PIEZO1: variants seen among roughly 807,000 people sequenced by gnomAD.
The protein encoded by PIEZO1 is piezo type mechanosensitive ion channel component 1 (Er blood group).
In PIEZO1, 296 loss-of-function variants were observed where a neutral mutation model predicts 297.2. The ratio of observed to expected loss-of-function variants is 1.00; its 90% CI spans 0.91 to 1.10. The LOEUF is 1.10. Among genes scored for constraint, PIEZO1 ranks in the 50% least tolerant of loss-of-function variants. The probability of loss-of-function intolerance (pLI) is 0.00; values close to 1 mark genes in which losing one functional copy is unlikely to be tolerated. For synonymous variants in PIEZO1, 2,427 were observed against 1,507.5 expected, an observed-to-expected ratio of 1.61 and a Z score of -14.13; for missense variants, 5,018 against 3,455.5, an observed-to-expected ratio of 1.45 and a Z score of -11.34.
Position 88,722,054 on chromosome 16 carries a change from G to T in PIEZO1, c.4968C>A (p.Ile1656=), listed in dbSNP as rs532725190. The change falls in exon 37 of 51, where the codon ATC becomes ATA. Residue 1656 remains isoleucine, a synonymous_variant. Coordinates refer to ENST00000301015, the MANE Select transcript of PIEZO1 (RefSeq NM_001142864.4). ...ACAGCTCTGCCTCCTCCAGCTCTGG[G>T]ATGCGCAGGCGCCTACAGGGAGACC... ...SELLLDRRLR[I]PELEEAELFA... 2.4e-5 allele frequency: 37 copies of T among 1,546,528 alleles called. No homozygotes were observed. Among genetic ancestry groups the T allele is most frequent in the Non-Finnish European group, 3.0e-5 (34 of 1,145,830 alleles).
chr16:88,749,123 C>T (rs1473061973), intron 2 of PIEZO1, among the ~76,000 whole-genome samples: 1 of 150,378 alleles, frequency 6.6e-6, no homozygotes, highest in Non-Finnish European at 1.5e-5. Context: ...GCCTGTAGTC[C>T]CAGCTACCCG....
intron 5 of PIEZO1, 199 bp downstream of exon 5, chr16:88,741,279 C>T (rs543946690): frequency 5.6e-6 from 3 of 535,506 alleles, no homozygotes; most frequent in African/African-American, 1.9e-5. Flanking sequence ...AGGCAGAGCC[C>T]GAGTAGAAAC....
At position 88,720,453 on chromosome 16, in the gene PIEZO1, AGAC is replaced by A; in HGVS notation, c.5878_5880del (p.Val1960del). The A allele has an allele frequency of 3.2e-6, 5 of 1,550,510 alleles. No homozygotes were observed. The highest frequency in any genetic ancestry group is 4.4e-6 in the Non-Finnish European group (5 of 1,146,964). On this transcript the variant is annotated inframe_deletion, in exon 41 of 51. Coordinates refer to ENST00000301015, the MANE Select transcript of PIEZO1 (RefSeq NM_001142864.4). ...ACATCAGCCAGGAACATGAGGGCAT[AGAC>A]GTCGGTGGCTGCGCGGTACTTGGTG...
intron 35 of PIEZO1, 86 bp from the exon 36 acceptor site, chr16:88,722,483 G>T: frequency 1.4e-6 from 2 of 1,428,956 alleles, no homozygotes; most frequent in South Asian, 1.4e-5. Context: ...AAGTGCCCAC[G>T]GTCCTTTGGG....
chr16:88,768,625 C>G (rs1907285144), intron 1 of PIEZO1, among the ~76,000 whole-genome samples: 1 of 152,216 alleles, frequency 6.6e-6, no homozygotes, highest in Admixed American at 6.5e-5. Flanking sequence ...GGGGCAGGAG[C>G]TCGTCCACAG....
At chr16:88,724,457 G>A (rs751708519) in intron 30 of PIEZO1, among the ~76,000 whole-genome samples, 2 of 152,032 alleles carry the variant, frequency 1.3e-5, no homozygotes, top group Non-Finnish European at 1.5e-5. Context: ...TTTGAACCTG[G>A]GAGGTGGGGG....
intron 16 of PIEZO1, 58 bp from the exon 17 acceptor site, chr16:88,734,112 G>A: frequency 6.8e-7 from 1 of 1,465,600 alleles, no homozygotes; most frequent in Non-Finnish European, 9.1e-7. Flanking sequence ...TCATTTCCTG[G>A]GGCTGGAAGA....
At chr16:88,751,748 G>A (rs1906401874) in intron 1 of PIEZO1, among the ~76,000 whole-genome samples, 1 of 152,046 alleles carries the variant, frequency 6.6e-6, no homozygotes, top group Non-Finnish European at 1.5e-5. Context: ...GGCTTCTGAA[G>A]TTCTGAAGTT....
At chr16:88,745,060 C>A (rs1905956835) in intron 2 of PIEZO1, 1 of 150,930 alleles carries the variant, frequency 6.6e-6, no homozygotes, top group Non-Finnish European at 1.5e-5. Context: ...GCCCCTGTCC[C>A]CGCCCACCCC....
Position 88,722,258 on chromosome 16 carries a change from G to A in PIEZO1, c.4915C>T (p.Gln1639Ter). 6.5e-7 allele frequency: 1 copy of A among 1,548,328 alleles called. No homozygotes were observed. The highest frequency in any genetic ancestry group is 8.7e-7 in the Non-Finnish European group (1 of 1,146,814). The change falls in exon 36 of 51, where the codon CAG becomes TAG. Residue 1639 changes from glutamine (Q) to a stop codon, truncating the protein, a stop_gained. Coordinates refer to ENST00000301015, the MANE Select transcript of PIEZO1 (RefSeq NM_001142864.4). LOFTEE classifies it high-confidence loss of function. ...GEREAGASLYQGLMRTASELL... is the reference protein window; with the variant it reads ...GEREAGASLY Reference sequence around the variant, plus strand: ...TCGCTGGCCGTCCGCATCAGTCCCTGGTACAGAGAGGCACCAGCCTCACGC... The same window carrying A: ...TCGCTGGCCGTCCGCATCAGTCCCTAGTACAGAGAGGCACCAGCCTCACGC...
At chr16:88,723,369 C>A in intron 31 of PIEZO1, 41 bp from the exon 32 acceptor site, 1 of 1,534,174 alleles carries the variant, frequency 6.5e-7, no homozygotes, top group South Asian at 1.2e-5. Context: ...CCTCCCGAGC[C>A]ATCAGACCCA....
intron 1 of PIEZO1, among the ~76,000 whole-genome samples, chr16:88,777,111 TAC>T (rs1907701064): frequency 6.6e-6 from 1 of 152,250 alleles, no homozygotes; most frequent in Admixed American, 6.5e-5. Flanking sequence ...TAGCTAGGAT[TAC>T]AGATGCCTGT....
intron 22 of PIEZO1, among the ~76,000 whole-genome samples, chr16:88,730,301 A>C (rs1008330703): frequency 1.2e-4 from 18 of 152,186 alleles, no homozygotes; most frequent in Non-Finnish European, 2.4e-4. Flanking sequence ...GGAGCAGAAA[A>C]CAAGACGGGG....
At chr16:88,722,141 C>T in intron 36 of PIEZO1, 75 bp from the exon 37 acceptor site, 1 of 1,520,914 alleles carries the variant, frequency 6.6e-7, no homozygotes, top group Non-Finnish European at 8.8e-7. Flanking sequence ...TTGCCGGTCA[C>T]AGTCAGTCTC....
Position 88,751,453 on chromosome 16 carries a change from C to T in PIEZO1, c.65-1974G>A, listed in dbSNP as rs183776754. On this transcript the variant is annotated intron_variant, in intron 1 of 50. Coordinates refer to ENST00000301015, the MANE Select transcript of PIEZO1 (RefSeq NM_001142864.4). ...GCAGACACGAAAGAATCGCGCTCGG[C>T]GCTGCTACGGGCTCAAGGCGGCCTC... Among the ~76,000 whole-genome samples the T allele has an allele frequency of 3.3e-4, 51 of 152,338 alleles. No individual in the cohort carries two copies. In the East Asian group the frequency reaches 7.9e-3, roughly 24 times the overall value.
chr16:88,737,893 G>C, intron 8 of PIEZO1, 41 bp downstream of exon 8: 1 of 1,531,688 alleles, frequency 6.5e-7, no homozygotes, highest in Non-Finnish European at 8.7e-7. Context: ...CAGCCCCATG[G>C]CCTGGCCTCA....
intron 1 of PIEZO1, among the ~76,000 whole-genome samples, chr16:88,763,226 G>A (rs1047278328): frequency 6.6e-6 from 1 of 152,200 alleles, no homozygotes; most frequent in African/African-American, 2.4e-5. Context: ...ACTTACGGGG[G>A]CCCAGTTCCT....
At chr16:88,745,484 T>G (rs1296403484) in intron 2 of PIEZO1, 5 of 152,044 alleles carry the variant, frequency 3.3e-5, no homozygotes, top group African/African-American at 1.2e-4. Context: ...GGGCCTGGCG[T>G]GGTGGTTCAC....
At chr16:88,749,754 G>A (rs1054399956) in intron 1 of PIEZO1, among the ~76,000 whole-genome samples, 2 of 152,224 alleles carry the variant, frequency 1.3e-5, no homozygotes, top group Admixed American at 6.5e-5. Context: ...TGGGCTGGGT[G>A]CAGTGGTTCA....
Sources: allele counts gnomAD v4.1 joint callset (sites outside exome capture counted in the v4.1 genomes callset), GRCh38; gene constraint gnomAD v4.1.1; transcripts MANE v1.5; gene names NCBI Gene and HGNC (gene_info 2026-07-23, HGNC 2026-07-21).